Variants in PKHD1 observed in about 807,000 individuals in gnomAD.
PKHD1 encodes the protein fibrocystin.
Under a neutral mutation model 412.0 loss-of-function variants are expected in PKHD1, and 291 were observed. That is an observed-to-expected ratio of 0.71 (90% CI 0.64 to 0.78). The LOEUF (loss-of-function observed/expected upper bound fraction) is 0.78, where lower values mean the gene tolerates loss of function less well. Ranked by LOEUF, PKHD1 falls within the 30% of genes least tolerant of loss-of-function variation. The probability of loss-of-function intolerance (pLI) is 0.00; values close to 1 mark genes in which losing one functional copy is unlikely to be tolerated. For missense variants in PKHD1, 4,825 were observed against 4,950.7 expected (o/e 0.97, Z 0.76); for synonymous variants, 1,777 against 1,821.5 (o/e 0.98, Z 0.62).
Position 51,643,558 on chromosome 6 carries a change from T to A in PKHD1, c.11398+4473A>T, listed in dbSNP as rs143989990. Among the ~76,000 whole-genome samples, 1,015 of 152,236 alleles carry A rather than the reference T, an allele frequency of 6.7e-3. 4 individuals are homozygous for A. Among genetic ancestry groups the A allele is most frequent in the Non-Finnish European group, 0.011 (764 of 68,010 alleles). ...CATTACCTGGGCCTTTAAATTTGGATTGTATAAAGAGAACGTGGAGAGGGT... is the reference window on the plus strand; with the variant it reads ...CATTACCTGGGCCTTTAAATTTGGAATGTATAAAGAGAACGTGGAGAGGGT... On this transcript the variant is annotated intron_variant, in intron 63 of 66. Transcript: ENST00000371117.
intron 29 of PKHD1, among the ~76,000 whole-genome samples, chr6:52,031,082 A>T (rs1802965994): frequency 6.6e-6 from 1 of 152,204 alleles, no homozygotes; most frequent in Admixed American, 6.5e-5. Flanking sequence ...ACAAAGATTT[A>T]TTGGTGCTTA....
chr6:51,657,987 C>T (rs952853433), intron 61 of PKHD1, among the ~76,000 whole-genome samples: 2 of 152,094 alleles, frequency 1.3e-5, no homozygotes, highest in East Asian at 1.9e-4. Flanking sequence ...AATATACTTA[C>T]AAGAACTCAG....
intron 60 of PKHD1, among the ~76,000 whole-genome samples, chr6:51,736,459 CT>C (rs1783862226): frequency 6.6e-6 from 1 of 152,184 alleles, no homozygotes; most frequent in Non-Finnish European, 1.5e-5. Flanking sequence ...GTATCCCCCC[CT>C]GCTTGGGATT....
chr6:51,704,581 C>A (rs1254240766), intron 60 of PKHD1, among the ~76,000 whole-genome samples: 3 of 152,014 alleles, frequency 2.0e-5, no homozygotes, highest in African/African-American at 7.2e-5. Flanking sequence ...ATGGATTTAG[C>A]AGCTATTAAG....
chr6:51,724,575 T>C (rs906859408), intron 60 of PKHD1, among the ~76,000 whole-genome samples: 1 of 152,216 alleles, frequency 6.6e-6, no homozygotes, highest in African/African-American at 2.4e-5. Flanking sequence ...TTACTATCTA[T>C]CTATCTATCC....
At chr6:51,934,875 A>C (rs1047476870) in intron 36 of PKHD1, among the ~76,000 whole-genome samples, 1 of 152,200 alleles carries the variant, frequency 6.6e-6, no homozygotes, top group African/African-American at 2.4e-5. Flanking sequence ...CTGTCAAGCA[A>C]GACATCTTAT....
chr6:51,701,422 T>G (rs781049875), intron 60 of PKHD1, among the ~76,000 whole-genome samples: 47 of 152,080 alleles, frequency 3.1e-4, no homozygotes, highest in Admixed American at 2.7e-3. Flanking sequence ...GTCCAAAGAT[T>G]CTGACATTTA....
At chr6:51,714,074 T>C (rs1373479442) in intron 60 of PKHD1, among the ~76,000 whole-genome samples, 4 of 151,944 alleles carry the variant, frequency 2.6e-5, no homozygotes, top group East Asian at 3.9e-4. Flanking sequence ...TCATAACACA[T>C]TGAGAAAAAA....
chr6:52,017,138 T>G (rs1800660681), intron 34 of PKHD1, among the ~76,000 whole-genome samples: 1 of 152,216 alleles, frequency 6.6e-6, no homozygotes, highest in South Asian at 2.1e-4. Flanking sequence ...TTGCTTTGGA[T>G]CGGAAGATAA....
At chr6:51,825,522 C>T (rs1232102595) in intron 52 of PKHD1, among the ~76,000 whole-genome samples, 3 of 152,062 alleles carry the variant, frequency 2.0e-5, no homozygotes, top group Non-Finnish European at 4.4e-5. Context: ...AAGCTCCCAG[C>T]CAATAACCAG....
At chr6:51,692,828 T>A (rs1778339339) in intron 60 of PKHD1, among the ~76,000 whole-genome samples, 1 of 152,188 alleles carries the variant, frequency 6.6e-6, no homozygotes, top group African/African-American at 2.4e-5. Flanking sequence ...TCCACTGACA[T>A]CTAGATTTTG....
intron 34 of PKHD1, among the ~76,000 whole-genome samples, chr6:52,011,855 T>C (rs1268406288): frequency 6.6e-6 from 1 of 152,196 alleles, no homozygotes; most frequent in African/African-American, 2.4e-5. Context: ...ATGCCACCCA[T>C]ATCTGAACGC....
At chr6:52,068,559 T>G (rs571724261) in intron 11 of PKHD1, among the ~76,000 whole-genome samples, 1 of 152,236 alleles carries the variant, frequency 6.6e-6, no homozygotes, top group East Asian at 1.9e-4. Context: ...GATACTTTGT[T>G]TATCTGAGTC....
At chr6:51,692,910 G>C (rs1408674767) in intron 60 of PKHD1, among the ~76,000 whole-genome samples, 1 of 151,922 alleles carries the variant, frequency 6.6e-6, no homozygotes, top group African/African-American at 2.4e-5. Context: ...TAATCATTTT[G>C]ACTTAATTAT....
intron 36 of PKHD1, among the ~76,000 whole-genome samples, chr6:51,935,014 T>C (rs1787245635): frequency 6.6e-6 from 1 of 152,220 alleles, no homozygotes; most frequent in Non-Finnish European, 1.5e-5. Flanking sequence ...AACACCTGCT[T>C]CTGAGATGCC....
intron 37 of PKHD1, among the ~76,000 whole-genome samples, chr6:51,914,763 G>A (rs1783508228): frequency 6.6e-6 from 1 of 152,006 alleles, no homozygotes; most frequent in Non-Finnish European, 1.5e-5. Context: ...GTTCCAAGAA[G>A]CCCAGTCTCT....
chr6:52,040,035 T>A (rs1490487011), intron 27 of PKHD1, among the ~76,000 whole-genome samples: 1 of 152,208 alleles, frequency 6.6e-6, no homozygotes, highest in Non-Finnish European at 1.5e-5. Context: ...TTTATTTATA[T>A]TAGATGTCTA....
At chr6:51,717,729 T>C (rs1222349038) in intron 60 of PKHD1, among the ~76,000 whole-genome samples, 1 of 152,140 alleles carries the variant, frequency 6.6e-6, no homozygotes, top group African/African-American at 2.4e-5. Flanking sequence ...TTAAGCAACA[T>C]ATGACTGTAT....
At chr6:51,757,961 T>A (rs1029880928) in intron 55 of PKHD1, among the ~76,000 whole-genome samples, 1 of 149,046 alleles carries the variant, frequency 6.7e-6, no homozygotes, top group East Asian at 2.0e-4. Context: ...GAGTGAGCTA[T>A]GATCATGCCA....
Sources: gnomAD v4.1 joint callset for allele counts (sites outside exome capture counted in the v4.1 genomes callset) on GRCh38, gnomAD v4.1.1 for gene constraint, MANE v1.5 for transcripts, NCBI Gene and HGNC (gene_info 2026-07-23, HGNC 2026-07-21) for gene names.